Variants in MYO16 observed in about 807,000 individuals in gnomAD.
MYO16 encodes unconventional myosin-XVI.
MYO16 carries 94 observed loss-of-function variants against 205.3 expected under a neutral mutation model. That is an observed-to-expected ratio of 0.46 (90% CI 0.39 to 0.54). MYO16 has a LOEUF of 0.54. Among genes scored for constraint, MYO16 ranks in the 20% least tolerant of loss-of-function variants. MYO16 has a pLI of 0.00. For synonymous variants in MYO16, 988 were observed against 954.0 expected, an observed-to-expected ratio of 1.04 and a Z score of -0.66; for missense variants, 2,315 against 2,387.5, an observed-to-expected ratio of 0.97 and a Z score of 0.63.
chr13:108,709,207 G>A (rs1371108105), intron 2 of MYO16, among the ~76,000 whole-genome samples: 2 of 152,098 alleles, frequency 1.3e-5, no homozygotes, highest in African/African-American at 2.4e-5. Flanking sequence ...TGGTGCTGCC[G>A]TTTCACTTGA....
intron 18 of MYO16, 139 bp from the exon 19 acceptor site, chr13:108,962,285 A>G (rs1883618683): frequency 1.6e-6 from 1 of 625,310 alleles, no homozygotes; most frequent in South Asian, 2.0e-5. Context: ...TTTGACAATT[A>G]CAGTGGTAAT....
chr13:109,207,021 T>G lies in MYO16; in HGVS notation c.*185T>G, dbSNP rs569752789. The G allele has an allele frequency of 7.3e-4, 420 of 572,614 alleles. 1 individual carries two copies. Among genetic ancestry groups the G allele is most frequent in the African/African-American group, 6.8e-3 (361 of 53,202 alleles). The allele number at this position is 572,614 out of a possible 1,614,324, so 35.5% of individuals were successfully genotyped here. ...GTGTGTGTGTTTGTGTGTGTGTGTG[T>G]GGGTTCTTTCTTATCCATCTCGTGG... On this transcript the variant is annotated 3_prime_UTR_variant, in exon 35 of 35. Coordinates refer to ENST00000457511, the MANE Select transcript of MYO16 (RefSeq NM_001198950.3).
At chr13:108,975,686 C>A (rs986622349) in intron 20 of MYO16, among the ~76,000 whole-genome samples, 2 of 152,050 alleles carry the variant, frequency 1.3e-5, no homozygotes, top group African/African-American at 4.8e-5. Context: ...TTCTCTCTAC[C>A]AGGAGCCTAA....
At chr13:108,845,445 C>G (rs1417534965) in intron 10 of MYO16, among the ~76,000 whole-genome samples, 1 of 152,012 alleles carries the variant, frequency 6.6e-6, no homozygotes, top group Admixed American at 6.6e-5. Flanking sequence ...GGTGCCTTCC[C>G]ACTGCTGTGT....
chr13:108,847,451 G>A (rs16973317), intron 10 of MYO16, among the ~76,000 whole-genome samples: 3,890 of 152,188 alleles, frequency 0.026, 159 homozygotes, highest in African/African-American at 0.089. Context: ...GAAGAGCAGC[G>A]TGGTAAACTG....
At chr13:109,153,497 G>T (rs1182395286) in intron 32 of MYO16, among the ~76,000 whole-genome samples, 5 of 152,110 alleles carry the variant, frequency 3.3e-5, no homozygotes, top group African/African-American at 1.2e-4. Context: ...GCTGGGCGAG[G>T]TGGCTCATCT....
chr13:108,722,809 A>G, intron 3 of MYO16, among the ~76,000 whole-genome samples: 1 of 152,184 alleles, frequency 6.6e-6, no homozygotes, highest in East Asian at 1.9e-4. Flanking sequence ...CCTTGTACCC[A>G]AACCTGAAGC....
intron 31 of MYO16, among the ~76,000 whole-genome samples, chr13:109,137,266 G>C (rs763960235): frequency 1.2e-4 from 18 of 152,160 alleles, no homozygotes; most frequent in Non-Finnish European, 2.5e-4. Flanking sequence ...TATTGTCATT[G>C]TCCCAGCCCT....
At position 108,679,720 on chromosome 13, in the gene MYO16, A is replaced by T. The variant is rs532999905; in HGVS notation, c.292+13571A>T. Among the ~76,000 whole-genome samples, 895 of 148,974 alleles carry T rather than the reference A, an allele frequency of 6.0e-3. 6 individuals are homozygous for T. The highest frequency in any genetic ancestry group is 0.013 in the South Asian group (62 of 4,754). On this transcript the variant is annotated intron_variant, in intron 2 of 34. Coordinates refer to ENST00000457511, the MANE Select transcript of MYO16 (RefSeq NM_001198950.3). ...ACTGTTCTTGGTTCTGCAAAAAAAA[A>T]AATAATAATAATAATAATAATAAAT...
intron 1 of MYO16, among the ~76,000 whole-genome samples, chr13:108,648,979 A>T (rs906327693): frequency 6.6e-6 from 1 of 150,430 alleles, no homozygotes. Context: ...GACAGCCATG[A>T]TATCCTCATG....
intron 27 of MYO16, among the ~76,000 whole-genome samples, chr13:109,072,433 C>G (rs1219419264): frequency 6.6e-6 from 1 of 152,034 alleles, no homozygotes; most frequent in East Asian, 1.9e-4. Flanking sequence ...TTTCCCTGGG[C>G]CTGGTACAAG....
At chr13:108,507,041 G>A in the MYO16 span, among the ~76,000 whole-genome samples, 87 of 152,108 alleles carry the variant, frequency 5.7e-4, no homozygotes, top group Non-Finnish European at 9.9e-4. Flanking sequence ...ATCCCACTTG[G>A]TCATGGTGTA....
chr13:108,817,006 C>T (rs762064202), intron 7 of MYO16, among the ~76,000 whole-genome samples: 6 of 152,044 alleles, frequency 3.9e-5, no homozygotes, highest in African/African-American at 7.2e-5. Flanking sequence ...AATTAACCTA[C>T]GGTGAGATAG....
intron 10 of MYO16, among the ~76,000 whole-genome samples, chr13:108,852,827 A>G (rs931404649): frequency 3.3e-5 from 5 of 152,222 alleles, no homozygotes; most frequent in Non-Finnish European, 7.3e-5. Flanking sequence ...TATGAAGTAT[A>G]GACTATGTTT....
At chr13:109,136,949 A>G (rs541679168) in intron 31 of MYO16, among the ~76,000 whole-genome samples, 10 of 152,304 alleles carry the variant, frequency 6.6e-5, no homozygotes, top group Non-Finnish European at 1.2e-4. Context: ...AGAAAAGGTT[A>G]TTATATCTCT....
chr13:109,123,654 A>G (rs1203481827), intron 29 of MYO16, among the ~76,000 whole-genome samples: 2 of 152,146 alleles, frequency 1.3e-5, no homozygotes, highest in Non-Finnish European at 2.9e-5. Flanking sequence ...ACTTAATGCA[A>G]CTGCATTCCA....
chr13:108,655,626 A>G (rs1413867600), intron 1 of MYO16, among the ~76,000 whole-genome samples: 1 of 152,064 alleles, frequency 6.6e-6, no homozygotes, highest in East Asian at 1.9e-4. Flanking sequence ...CTTGCACCAC[A>G]CACCTGGAAA....
At chr13:108,636,124 A>G (rs1281718198) in intron 1 of MYO16, among the ~76,000 whole-genome samples, 1 of 152,012 alleles carries the variant, frequency 6.6e-6, no homozygotes, top group East Asian at 1.9e-4. Context: ...ATTTCTAAAT[A>G]TATTTGCATC....
At chr13:108,899,121 A>C in intron 15 of MYO16, among the ~76,000 whole-genome samples, 1 of 152,202 alleles carries the variant, frequency 6.6e-6, no homozygotes, top group East Asian at 1.9e-4. Context: ...TGTGATAAAT[A>C]ACATGCATAA....
Sources: allele counts gnomAD v4.1 joint callset (sites outside exome capture counted in the v4.1 genomes callset), GRCh38; gene constraint gnomAD v4.1.1; transcripts MANE v1.5; gene names NCBI Gene and HGNC (gene_info 2026-07-23, HGNC 2026-07-21).